RYR2: variants seen among roughly 807,000 people sequenced by gnomAD.
RYR2 encodes the protein ryanodine receptor 2.
A neutral mutation model predicts 601.1 loss-of-function variants in RYR2; 227 were observed. The observed-to-expected ratio is 0.38, with a 90% CI of 0.34 to 0.42. RYR2 has a LOEUF of 0.42. Among genes scored for constraint, RYR2 ranks in the 10% least tolerant of loss-of-function variants. The probability of loss-of-function intolerance (pLI) is 1.00; values close to 1 mark genes in which losing one functional copy is unlikely to be tolerated. For missense variants in RYR2, 4,646 were observed against 6,156.5 expected (o/e 0.75, Z 8.21); for synonymous variants, 2,223 against 2,175.1 (o/e 1.02, Z -0.61).
Position 237,456,743 on chromosome 1 carries a change from G to T in RYR2, c.1612+8G>T, listed in dbSNP as rs375122829. ...CTCTGTATGAGTTGCTGGGTAAGAAGCATGATTGGGTTCATAGCAACAGAG... is the reference window on the plus strand; with the variant it reads ...CTCTGTATGAGTTGCTGGGTAAGAATCATGATTGGGTTCATAGCAACAGAG... On this transcript the variant is annotated splice_region_variant and intron_variant, in intron 16 of 104. Transcript: ENST00000366574. The T allele has an allele frequency of 6.2e-7, 1 of 1,613,192 alleles. No individual in the cohort carries two copies. Among genetic ancestry groups the T allele is most frequent in the East Asian group, 2.2e-5 (1 of 44,864 alleles).
At chr1:237,418,805 A>G (rs947454051) in intron 11 of RYR2, among the ~76,000 whole-genome samples, 33 of 152,150 alleles carry the variant, frequency 2.2e-4, no homozygotes, top group African/African-American at 7.9e-4. Context: ...GTCATTAATA[A>G]CTAATTGAAA....
chr1:237,617,864 CAT>C (rs1055842024), intron 38 of RYR2, among the ~76,000 whole-genome samples: 7 of 152,152 alleles, frequency 4.6e-5, no homozygotes, highest in Admixed American at 2.0e-4. Context: ...AGAAGAAACA[CAT>C]GTCTCTTCCA....
intron 80 of RYR2, 88 bp from the exon 81 acceptor site, chr1:237,756,200 A>T (rs1372453071): frequency 2.5e-6 from 2 of 790,380 alleles, no homozygotes; most frequent in African/African-American, 1.7e-5. Context: ...TAGAGCCCAT[A>T]CATGAAGAGA....
At chr1:237,416,326 A>T (rs1437287706) in intron 10 of RYR2, among the ~76,000 whole-genome samples, 1 of 152,188 alleles carries the variant, frequency 6.6e-6, no homozygotes, top group Non-Finnish European at 1.5e-5. Flanking sequence ...GGAAAGAAAG[A>T]GGGCATGTGC....
intron 3 of RYR2, chr1:237,352,714 G>T (rs1016262094): frequency 1.7e-5 from 4 of 237,658 alleles, no homozygotes; most frequent in Admixed American, 9.0e-5. Flanking sequence ...CAATAAGACC[G>T]TTGGGTATTA....
chr1:237,221,189 A>G (rs1213724537), intron 1 of RYR2, among the ~76,000 whole-genome samples: 1 of 152,198 alleles, frequency 6.6e-6, no homozygotes, highest in Non-Finnish European at 1.5e-5. Context: ...AGTATCTCAT[A>G]TGTTTATATT....
chr1:237,423,386 T>A, intron 12 of RYR2, 138 bp downstream of exon 12: 1 of 1,036,590 alleles, frequency 9.6e-7, no homozygotes, highest in East Asian at 2.6e-5. Context: ...CAGTTTCTCT[T>A]CCATACATTC....
chr1:237,445,329 G>A (rs955215010), intron 13 of RYR2, 72 bp from the exon 14 acceptor site: 1 of 1,588,122 alleles, frequency 6.3e-7, no homozygotes, highest in African/African-American at 1.3e-5. Flanking sequence ...AGCTGTTTGA[G>A]TACACATCTC....
intron 36 of RYR2, among the ~76,000 whole-genome samples, chr1:237,612,313 CT>C (rs1380120457): frequency 6.6e-6 from 1 of 152,038 alleles, no homozygotes. Context: ...TACTAAATTC[CT>C]TTTGGGATGA....
intron 1 of RYR2, among the ~76,000 whole-genome samples, chr1:237,238,502 T>C (rs1188698128): frequency 6.6e-6 from 1 of 152,224 alleles, no homozygotes; most frequent in African/African-American, 2.4e-5. Context: ...TCATGGGCCT[T>C]GGTTACTCAT....
intron 13 of RYR2, among the ~76,000 whole-genome samples, chr1:237,444,890 TC>T (rs1160280805): frequency 1.3e-5 from 2 of 152,204 alleles, no homozygotes; most frequent in Admixed American, 1.3e-4. Flanking sequence ...TATTGACCAG[TC>T]TATGTTCAGA....
intron 67 of RYR2, among the ~76,000 whole-genome samples, chr1:237,706,296 A>G (rs1688372756): frequency 6.6e-6 from 1 of 152,174 alleles, no homozygotes; most frequent in Non-Finnish European, 1.5e-5. Flanking sequence ...GTCAGTAAGG[A>G]CACTGACAAC....
At chr1:237,575,709 A>G (rs1673154554) in intron 29 of RYR2, among the ~76,000 whole-genome samples, 1 of 152,250 alleles carries the variant, frequency 6.6e-6, no homozygotes, top group African/African-American at 2.4e-5. Flanking sequence ...ATTACAGAGC[A>G]CTTATAAAAC....
chr1:237,464,401 C>T (rs1659830091), intron 16 of RYR2, among the ~76,000 whole-genome samples: 1 of 119,070 alleles, frequency 8.4e-6, no homozygotes, highest in African/African-American at 2.7e-5. Context: ...TCTTATTGAG[C>T]ATTTGTGATT....
chr1:237,218,571 C>T (rs566745101), intron 1 of RYR2, among the ~76,000 whole-genome samples: 2 of 152,038 alleles, frequency 1.3e-5, no homozygotes, highest in Admixed American at 6.6e-5. Context: ...TTTTGCTCCT[C>T]AAAAAAATTT....
At chr1:237,105,517 T>C (rs1191670020) in intron 1 of RYR2, among the ~76,000 whole-genome samples, 15 of 151,966 alleles carry the variant, frequency 9.9e-5, no homozygotes, top group Admixed American at 9.8e-4. Context: ...GCCAACATGG[T>C]GAAAACCTGT....
chr1:237,536,405 A>G (rs1003905228), intron 25 of RYR2, among the ~76,000 whole-genome samples: 1 of 152,038 alleles, frequency 6.6e-6, no homozygotes, highest in Admixed American at 6.6e-5. Flanking sequence ...CCCCGTCTCT[A>G]CTAAAAAATA....
chr1:237,746,503 G>C (rs1004706938), intron 80 of RYR2, among the ~76,000 whole-genome samples: 1 of 152,036 alleles, frequency 6.6e-6, no homozygotes, highest in Non-Finnish European at 1.5e-5. Flanking sequence ...AAGGAAAGAG[G>C]AATGATTTGC....
Position 237,784,947 on chromosome 1 carries a change from T to A in RYR2, c.13235T>A (p.Met4412Lys). The A allele has an allele frequency of 1.3e-6, 2 of 1,598,614 alleles. No homozygotes were observed. The highest frequency in any genetic ancestry group is 1.7e-6 in the Non-Finnish European group (2 of 1,172,330). The part of the protein sequence containing the change: ...LSDLMSNPVP[M>K]PEVQEKFQEQ... ...GACCTCATGAGCAACCCAGTCCCCA[T>A]GCCTGAGGTGCAGGAAAAATTTCAG... The change falls in exon 90 of 105, where the codon ATG (methionine) becomes AAG (lysine). Residue 4412 changes from methionine to lysine, a missense_variant. Around this residue, in one of 17 missense-constraint regions of RYR2, gnomAD observed 364 missense variants for 442.9 expected, o/e 0.82. Coordinates refer to ENST00000366574, the MANE Select transcript of RYR2 (RefSeq NM_001035.3). This position sits in a 1 kb window ranked among gnomAD's most constrained non-coding sequence, Gnocchi z 7.1.
Sources: allele counts gnomAD v4.1 joint callset (sites outside exome capture counted in the v4.1 genomes callset), GRCh38; gene constraint gnomAD v4.1.1; regional missense constraint gnomAD v4.1.1; non-coding constraint Gnocchi (gnomAD v3.1); transcripts MANE v1.5; gene names NCBI Gene and HGNC (gene_info 2026-07-23, HGNC 2026-07-21).